SVEP1: variants seen among roughly 807,000 people sequenced by gnomAD.
SVEP1 encodes the protein sushi, von Willebrand factor type A, EGF and pentraxin domain containing 1, also known as sushi, von Willebrand factor type A, EGF and pentraxin domain-containing protein 1.
A neutral mutation model predicts 367.3 loss-of-function variants in SVEP1; 164 were observed. That is an observed-to-expected ratio of 0.45 (90% CI 0.39 to 0.51). The LOEUF (loss-of-function observed/expected upper bound fraction) is 0.51, where lower values mean the gene tolerates loss of function less well. Ranked by LOEUF, SVEP1 falls within the 20% of genes least tolerant of loss-of-function variation. The pLI, the probability that SVEP1 is intolerant of heterozygous loss-of-function variation, is 0.00. For synonymous variants in SVEP1, 1,666 were observed against 1,611.6 expected (o/e 1.03, Z -0.81); for missense variants, 4,117 against 4,425.3 (o/e 0.93, Z 1.98).
At chr9:110,474,863 G>A (rs1057220163) in intron 14 of SVEP1, among the ~76,000 whole-genome samples, 2 of 151,884 alleles carry the variant, frequency 1.3e-5, no homozygotes, top group Admixed American at 6.6e-5. Context: ...TACTGAAGTA[G>A]GATATTTAGT....
intron 36 of SVEP1, among the ~76,000 whole-genome samples, chr9:110,424,648 TAGAG>T (rs910238949): frequency 8.5e-5 from 13 of 152,142 alleles, no homozygotes; most frequent in Non-Finnish European, 1.8e-4. Flanking sequence ...TGATTTTAAA[TAGAG>T]AGAATTTTAT....
rs1043666599 is a variant in SVEP1 at position 110,409,656 on chromosome 9, T to C, written c.6649-705A>G. ...ACAATTAACATGTATTTGTTAATGTTGTTAGATCATAAATAGTCAAATAAA... is the reference window on the plus strand; with the variant it reads ...ACAATTAACATGTATTTGTTAATGTCGTTAGATCATAAATAGTCAAATAAA... On this transcript the variant is annotated intron_variant, in intron 37 of 47. Coordinates refer to ENST00000374469, the MANE Select transcript of SVEP1 (RefSeq NM_153366.4). 2.0e-5 allele frequency among the ~76,000 whole-genome samples: 3 copies of C among 152,314 alleles called. No individual in the cohort carries two copies. The East Asian group carries it at 5.8e-4, about 29-fold the overall frequency.
At chr9:110,546,319 T>C (rs749696003) in intron 2 of SVEP1, 28 bp from the exon 3 acceptor site, 2 of 1,548,728 alleles carry the variant, frequency 1.3e-6, no homozygotes, top group Non-Finnish European at 8.8e-7. Flanking sequence ...CAGAGGGCGA[T>C]AAAAATGAGT....
At chr9:110,533,766 T>C (rs4300064) in intron 3 of SVEP1, among the ~76,000 whole-genome samples, 109,404 of 152,180 alleles carry the variant, frequency 0.72, 40,185 homozygotes, top group Admixed American at 0.79. Context: ...ACATTGGCCA[T>C]CATCTAAACT....
At chr9:110,483,076 T>C (rs1368960341) in intron 10 of SVEP1, among the ~76,000 whole-genome samples, 5 of 152,334 alleles carry the variant, frequency 3.3e-5, no homozygotes, top group South Asian at 2.1e-4. Flanking sequence ...TGCTACGACA[T>C]TGGGACTTAA....
Position 110,435,337 on chromosome 9 carries a change from C to T in SVEP1, c.4792G>A (p.Glu1598Lys). The T allele has an allele frequency of 6.2e-7, 1 of 1,613,582 alleles. No individual in the cohort carries two copies. Among genetic ancestry groups the T allele is most frequent in the Non-Finnish European group, 8.5e-7 (1 of 1,179,554 alleles). ...AACACGTTTCCTTTACTGAGTTCCT[C>T]TGGGCAGGAGGTAGCCAGTGACTTC... ...QVKSLATSCP[E>K]ELSKGNVLAW... is the part of the protein sequence containing the mutation. Residue 1598 changes from glutamate (E) to lysine (K), a missense_variant, in exon 29 of 48, where the codon GAG (glutamate) becomes AAG (lysine). Transcript: ENST00000374469.
chr9:110,444,313 C>A (rs529572605), intron 26 of SVEP1, among the ~76,000 whole-genome samples: 2 of 152,108 alleles, frequency 1.3e-5, no homozygotes, highest in Non-Finnish European at 2.9e-5. Context: ...TGCACCTTCG[C>A]CATGTGAAGA....
intron 40 of SVEP1, among the ~76,000 whole-genome samples, chr9:110,395,110 A>G (rs145508128): frequency 0.059 from 8,984 of 152,260 alleles, 362 homozygotes; most frequent in African/African-American, 0.11. Flanking sequence ...GAGAAAGGTC[A>G]GGTTACCCAC....
rs1173738157 is a variant in SVEP1 at position 110,579,437 on chromosome 9, G to T, written c.107C>A (p.Pro36His). The change falls in exon 1 of 48, where the codon CCC becomes CAC. Residue 36 changes from proline to histidine, a missense_variant. Physicochemically the swap from Pro to His is moderately conservative, Grantham distance 77 (BLOSUM62 -2). Coordinates refer to ENST00000374469, the MANE Select transcript of SVEP1 (RefSeq NM_153366.4). This position sits in a 1 kb window ranked among gnomAD's most constrained non-coding sequence, Gnocchi z 5.3. Reference protein sequence around the residue: ...PSRNFSFRLFPETAPGAPGSI... With the variant: ...PSRNFSFRLFHETAPGAPGSI... ...CCCGGGGGCCCCGGGCGCGGTCTCG[G>T]GGAAGAGGCGGAAGCTGAAATTGCG... is the stretch of plus-strand genomic sequence containing the variant. The T allele has an allele frequency of 6.3e-7, 1 of 1,592,972 alleles. No individual in the cohort carries two copies. The highest frequency in any genetic ancestry group is 1.1e-5 in the South Asian group (1 of 88,188).
intron 36 of SVEP1, among the ~76,000 whole-genome samples, chr9:110,423,442 G>A (rs1411887368): frequency 1.3e-5 from 2 of 152,010 alleles, no homozygotes; most frequent in Non-Finnish European, 2.9e-5. Flanking sequence ...GTTAAAAAAT[G>A]ACTGATTTGG....
intron 20 of SVEP1, among the ~76,000 whole-genome samples, chr9:110,457,767 T>C (rs1828798570): frequency 6.6e-6 from 1 of 152,176 alleles, no homozygotes; most frequent in African/African-American, 2.4e-5. Flanking sequence ...ATCCTACAAA[T>C]TCCTATGTCC....
At position 110,411,375 on chromosome 9, in the gene SVEP1, G is replaced by A. The variant is rs1828042231; in HGVS notation, c.6336C>T (p.Cys2112=). ...FAAGSVVSFK[C]MEGFVLNTSA... Reference sequence around the variant, plus strand: ...AGGTGTTCAGTACAAAGCCTTCCATGCATTTAAAGCTCACAACTGAGCCAG... The same window carrying A: ...AGGTGTTCAGTACAAAGCCTTCCATACATTTAAAGCTCACAACTGAGCCAG... Residue 2112 remains cysteine, a synonymous_variant, in exon 37 of 48, where the codon TGC becomes TGT. Transcript: ENST00000374469. 4 of 1,613,904 alleles carry A rather than the reference G, an allele frequency of 2.5e-6. No individual in the cohort carries two copies. Among genetic ancestry groups the A allele is most frequent in the Admixed American group, 1.7e-5 (1 of 59,992 alleles).
At chr9:110,386,569 C>T (rs953607466) in intron 42 of SVEP1, among the ~76,000 whole-genome samples, 3 of 152,022 alleles carry the variant, frequency 2.0e-5, no homozygotes, top group African/African-American at 7.3e-5. Flanking sequence ...TAGACTCATA[C>T]TGCTATGGGC....
rs562598965 is a variant in SVEP1 at position 110,514,012 on chromosome 9, T to C, written c.1059A>G (p.Gly353=). Residue 353 remains glycine (G), a synonymous_variant, in exon 4 of 48, where the codon GGA becomes GGG. Transcript: ENST00000374469. ...AGACACAGTCTTCAGGGGATGTGCT[T>C]CCAGGTGGAGAGGTGTGATTTTCAT... ...CPDENHTSPP[G]STSPEDCVCR... is the part of the protein sequence containing the mutation. The C allele has an allele frequency of 7.4e-6, 12 of 1,612,772 alleles. No individual in the cohort carries two copies. In the South Asian group the frequency reaches 1.2e-4, roughly 16 times the overall value.
chr9:110,523,757 G>A (rs753348968), intron 3 of SVEP1, among the ~76,000 whole-genome samples: 20 of 151,854 alleles, frequency 1.3e-4, no homozygotes, highest in Admixed American at 7.2e-4. Flanking sequence ...TAGAAAAGAA[G>A]TCTCAAATCG....
intron 3 of SVEP1, among the ~76,000 whole-genome samples, chr9:110,528,131 C>CGTGTGTGTGTGTGT (rs35039778): frequency 1.1e-4 from 7 of 65,396 alleles, no homozygotes; most frequent in Admixed American, 6.0e-4. Flanking sequence ...TACATACACA[C>CGTGTGTGTGTGTGT]GTGTGTGTGT....
intron 47 of SVEP1, among the ~76,000 whole-genome samples, chr9:110,368,227 C>T (rs1715832986): frequency 6.6e-6 from 1 of 152,148 alleles, no homozygotes; most frequent in Non-Finnish European, 1.5e-5. Flanking sequence ...CCAGTCTGGT[C>T]CTCCTGATGC....
intron 1 of SVEP1, among the ~76,000 whole-genome samples, chr9:110,562,248 GTCA>G (rs1830441529): frequency 1.4e-5 from 2 of 144,742 alleles, no homozygotes; most frequent in African/African-American, 4.9e-5. Flanking sequence ...CAAAAAAAAA[GTCA>G]TCAGAATCCA....
chr9:110,461,785 C>T (rs1484182288), intron 18 of SVEP1, among the ~76,000 whole-genome samples: 2 of 152,050 alleles, frequency 1.3e-5, no homozygotes, highest in African/African-American at 4.8e-5. Context: ...AAAAATATTT[C>T]TTGCAGGTTT....
Sources: gnomAD v4.1 joint callset for allele counts (sites outside exome capture counted in the v4.1 genomes callset) on GRCh38, gnomAD v4.1.1 for gene constraint, Gnocchi (gnomAD v3.1) non-coding constraint, MANE v1.5 for transcripts, NCBI Gene and HGNC (gene_info 2026-07-23, HGNC 2026-07-21) for gene names.